PTPRT: variants seen among roughly 807,000 people sequenced by gnomAD.
The protein encoded by PTPRT is protein tyrosine phosphatase receptor type T.
In PTPRT, 56 loss-of-function variants were observed where a neutral mutation model predicts 176.8. The ratio of observed to expected loss-of-function variants is 0.32; its 90% CI spans 0.26 to 0.40. The LOEUF is 0.40. Among genes scored for constraint, PTPRT ranks in the 10% least tolerant of loss-of-function variants. The pLI is 1.00. For synonymous variants in PTPRT, 783 were observed against 739.0 expected (o/e 1.06, Z -0.96); for missense variants, 1,540 against 1,908.2 (o/e 0.81, Z 3.60).
chr20:42,282,054 T>C (rs1457267416), intron 13 of PTPRT, among the ~76,000 whole-genome samples: 3 of 152,140 alleles, frequency 2.0e-5, no homozygotes, highest in African/African-American at 4.8e-5. Flanking sequence ...AAGGCCCCAG[T>C]ACTAATCACC....
rs1162400435 is a variant in PTPRT at position 42,845,915 on chromosome 20, C to T, written c.214+39892G>A. Among the ~76,000 whole-genome samples, 5 of 152,266 alleles carry T rather than the reference C, an allele frequency of 3.3e-5. No individual in the cohort carries two copies. In the East Asian group the frequency reaches 9.7e-4, roughly 29 times the overall value. ...GGTGCCCTCAAAGAACAGACAAAAT[C>T]CTTGTTCTCAGTCATGAGACAGCCA... On this transcript the variant is annotated intron_variant, in intron 2 of 30. Coordinates refer to ENST00000373187, the MANE Select transcript of PTPRT (RefSeq NM_007050.6).
At chr20:42,695,711 A>G (rs1053818047) in intron 6 of PTPRT, among the ~76,000 whole-genome samples, 1 of 152,214 alleles carries the variant, frequency 6.6e-6, no homozygotes, top group Non-Finnish European at 1.5e-5. Flanking sequence ...CACTACCCCA[A>G]GTTCAATTAA....
Position 43,145,112 on chromosome 20 carries a change from G to A in PTPRT, c.88+44534C>T, listed in dbSNP as rs75537039. ...TTCTCCTCTCATGGTATCTCCTGCT[G>A]TTTTGTAATTTTCTGCCCATTTATC... On this transcript the variant is annotated intron_variant, in intron 1 of 30. Coordinates refer to ENST00000373187, the MANE Select transcript of PTPRT (RefSeq NM_007050.6). Among the ~76,000 whole-genome samples the A allele has an allele frequency of 5.6e-3, 849 of 152,296 alleles. 13 individuals carry two copies. The highest frequency in any genetic ancestry group is 0.019 in the African/African-American group (798 of 41,562).
chr20:43,066,737 C>T (rs1292935808), intron 1 of PTPRT, among the ~76,000 whole-genome samples: 4 of 152,158 alleles, frequency 2.6e-5, no homozygotes, highest in Non-Finnish European at 5.9e-5. Flanking sequence ...AAGGCAAACT[C>T]TGAATTCCTG....
At chr20:42,358,415 G>A (rs2145554316) in intron 9 of PTPRT, among the ~76,000 whole-genome samples, 1 of 152,266 alleles carries the variant, frequency 6.6e-6, no homozygotes, top group Non-Finnish European at 1.5e-5. Flanking sequence ...CCTACAATTT[G>A]GTGAGGGAGA....
chr20:42,133,689 T>C (rs1988241931), intron 18 of PTPRT, among the ~76,000 whole-genome samples: 1 of 152,220 alleles, frequency 6.6e-6, no homozygotes, highest in African/African-American at 2.4e-5. Context: ...AACTATGGAC[T>C]TTAGCTAATA....
At position 42,110,363 on chromosome 20, in the gene PTPRT, G is replaced by A. The variant is rs775998497; in HGVS notation, c.3224C>T (p.Pro1075Leu). Residue 1075 changes from proline to leucine, a missense_variant, in exon 23 of 31, where the codon CCG becomes CTG. Physicochemically the swap from Pro to Leu is moderately conservative, Grantham distance 98. This residue lies in a region of PTPRT where 248 missense variants were observed against 356.7 expected (regional missense o/e 0.70). Coordinates refer to ENST00000373187, the MANE Select transcript of PTPRT (RefSeq NM_007050.6). Reference sequence around the variant, plus strand: ...GTGGACCACTATGGGCCCAGCTTCCGGGGGGTTGAGGAACTTGACCTGGCG... The same window carrying A: ...GTGGACCACTATGGGCCCAGCTTCCAGGGGGTTGAGGAACTTGACCTGGCG... ...FVRQVKFLNP[P>L]EAGPIVVHCS... is the part of the protein sequence containing the mutation. 23 of 1,611,416 alleles carry A rather than the reference G, an allele frequency of 1.4e-5. No individual in the cohort carries two copies. Among genetic ancestry groups the A allele is most frequent in the South Asian group, 6.6e-5 (6 of 90,774 alleles).
chr20:43,082,968 C>A (rs1056969773), intron 1 of PTPRT, among the ~76,000 whole-genome samples: 2 of 152,028 alleles, frequency 1.3e-5, no homozygotes, highest in African/African-American at 4.8e-5. Flanking sequence ...TTCCCTAATT[C>A]GTATTTTTCC....
chr20:42,985,955 C>T (rs779166679), intron 1 of PTPRT, among the ~76,000 whole-genome samples: 5 of 152,136 alleles, frequency 3.3e-5, no homozygotes, highest in Non-Finnish European at 7.3e-5. Context: ...ACAAGGTCTA[C>T]ATTTATGACC....
intron 29 of PTPRT, 92 bp from the exon 30 acceptor site, chr20:42,082,109 C>A: frequency 6.4e-7 from 1 of 1,569,826 alleles, no homozygotes; most frequent in Non-Finnish European, 8.7e-7. Context: ...TAGGGATCAG[C>A]TGTCTGGGCA....
chr20:43,136,368 A>G (rs924461320), intron 1 of PTPRT, among the ~76,000 whole-genome samples: 6 of 152,248 alleles, frequency 3.9e-5, no homozygotes, highest in African/African-American at 1.4e-4. Flanking sequence ...AGCCCAGCAC[A>G]TAGTAGGTGC....
intron 7 of PTPRT, among the ~76,000 whole-genome samples, chr20:42,583,038 G>C (rs995379176): frequency 6.6e-6 from 1 of 152,076 alleles, no homozygotes; most frequent in Non-Finnish European, 1.5e-5. Flanking sequence ...CTCAGCACAG[G>C]GGCTGGCACA....
intron 1 of PTPRT, among the ~76,000 whole-genome samples, chr20:42,944,056 A>T (rs946812973): frequency 3.3e-5 from 5 of 151,950 alleles, no homozygotes; most frequent in Admixed American, 6.6e-5. Flanking sequence ...ACAAACAAAC[A>T]AACAAACCTC....
rs139657308 is a variant in PTPRT at position 42,929,121 on chromosome 20, T to A, written c.89-43189A>T. Among the ~76,000 whole-genome samples the A allele has an allele frequency of 6.4e-4, 97 of 152,356 alleles. 1 individual carries two copies. The highest frequency in any genetic ancestry group is 2.3e-3 in the African/African-American group (95 of 41,596). ...CCAGAAGGAAGTTCGGACACATGTG[T>A]CATTTCTAACATCCTTAGCATGCGA... On this transcript the variant is annotated intron_variant, in intron 1 of 30. Transcript: ENST00000373187.
chr20:42,859,802 C>G (rs1339252539), intron 2 of PTPRT, among the ~76,000 whole-genome samples: 1 of 151,510 alleles, frequency 6.6e-6, no homozygotes, highest in East Asian at 1.9e-4. Flanking sequence ...CTGTGTTAGC[C>G]AGAATCGTCT....
chr20:43,148,759 C>A (rs541389475), intron 1 of PTPRT, among the ~76,000 whole-genome samples: 57 of 152,264 alleles, frequency 3.7e-4, no homozygotes, highest in Admixed American at 2.5e-3. Flanking sequence ...TGAGGTGTAG[C>A]ACTGGTATAG....
chr20:42,616,280 C>T (rs2074076009), intron 7 of PTPRT, among the ~76,000 whole-genome samples: 1 of 122,816 alleles, frequency 8.1e-6, no homozygotes. Context: ...GGGCTCTGTT[C>T]TGTTCCATTG....
In PTPRT at chr20:42,623,095, G is replaced by C. The variant is rs564439452; in HGVS notation, c.1153+54771C>G. On this transcript the variant is annotated intron_variant, in intron 7 of 30. Transcript: ENST00000373187. ...CCCTCTAGCTCCCCATCCATCCCAC[G>C]GAGAGCCACCTCCACCACTCAAAAA... is the stretch of plus-strand genomic sequence containing the variant. Among the ~76,000 whole-genome samples the C allele has an allele frequency of 1.8e-4, 28 of 152,212 alleles. No homozygotes were observed. The South Asian group carries it at 5.4e-3, about 29-fold the overall frequency.
chr20:42,926,710 C>T (rs1281218963), intron 1 of PTPRT, among the ~76,000 whole-genome samples: 2 of 152,156 alleles, frequency 1.3e-5, no homozygotes, highest in South Asian at 4.2e-4. Context: ...TGTTTCTGAA[C>T]CTCTCCATGT....
Sources: gnomAD v4.1 joint callset for allele counts (sites outside exome capture counted in the v4.1 genomes callset) on GRCh38, gnomAD v4.1.1 for gene constraint, gnomAD v4.1.1 regional missense constraint, MANE v1.5 for transcripts, NCBI Gene and HGNC (gene_info 2026-07-23, HGNC 2026-07-21) for gene names.